Variants in MYO1E observed in about 807,000 individuals in gnomAD.
The protein encoded by MYO1E is myosin IE.
In MYO1E, 68 loss-of-function variants were observed where a neutral mutation model predicts 151.1. The ratio of observed to expected loss-of-function variants is 0.45; its 90% CI spans 0.37 to 0.55. The LOEUF (loss-of-function observed/expected upper bound fraction) is 0.55. Among genes scored for constraint, MYO1E ranks in the 20% least tolerant of loss-of-function variants. The probability of loss-of-function intolerance (pLI) is 0.00; values close to 1 mark genes in which losing one functional copy is unlikely to be tolerated. For missense variants in MYO1E, 1,363 were observed against 1,389.3 expected, an observed-to-expected ratio of 0.98 and a Z score of 0.30; for synonymous variants, 601 against 501.7, an observed-to-expected ratio of 1.20 and a Z score of -2.64.
intron 16 of MYO1E, among the ~76,000 whole-genome samples, chr15:59,199,554 C>T (rs556219575): frequency 2.0e-5 from 3 of 151,982 alleles, no homozygotes; most frequent in Admixed American, 6.6e-5. Flanking sequence ...ACGACAATAT[C>T]GAATTAAGTA....
chr15:59,148,652 A>G (rs906427721), intron 26 of MYO1E, among the ~76,000 whole-genome samples: 115 of 152,266 alleles, frequency 7.6e-4, no homozygotes, highest in African/African-American at 2.5e-3. Context: ...AAATATTGCT[A>G]TTGGACACTT....
chr15:59,174,055 T>C, intron 20 of MYO1E, 71 bp downstream of exon 20: 1 of 1,521,054 alleles, frequency 6.6e-7, no homozygotes. Flanking sequence ...AAATGGAACT[T>C]AAAACTTCAC....
rs2080762150 is a variant in MYO1E, at chr15:59,341,029, A to G, written c.3+31469T>C. On this transcript the variant is annotated intron_variant, in intron 1 of 27. Coordinates refer to ENST00000288235, the MANE Select transcript of MYO1E (RefSeq NM_004998.4). ...GAGACTCCATCTCAAAAAAAAAAAA[A>G]AAAAAGAAAAAAAAGAAAAAAAGAA... 7.4e-5 allele frequency among the ~76,000 whole-genome samples: 11 copies of G among 149,060 alleles called. No individual in the cohort carries two copies. In the South Asian group the frequency reaches 2.3e-3, roughly 31 times the overall value.
intron 26 of MYO1E, among the ~76,000 whole-genome samples, chr15:59,152,636 A>G (rs928996863): frequency 3.3e-5 from 5 of 152,178 alleles, no homozygotes; most frequent in African/African-American, 1.2e-4. Flanking sequence ...CATGCTAGAG[A>G]TTTTATGTAT....
chr15:59,354,518 T>C (rs112127803), intron 1 of MYO1E, among the ~76,000 whole-genome samples: 1 of 152,104 alleles, frequency 6.6e-6, no homozygotes, highest in Non-Finnish European at 1.5e-5. Context: ...CAGGCCTGGG[T>C]GTCCTCAGGT....
chr15:59,182,871 T>C (rs1596355485), intron 18 of MYO1E, among the ~76,000 whole-genome samples: 1 of 152,262 alleles, frequency 6.6e-6, no homozygotes, highest in Non-Finnish European at 1.5e-5. Context: ...GAAGATAATT[T>C]TTCTATGGAC....
chr15:59,290,422 A>G (rs1244014501), intron 1 of MYO1E, among the ~76,000 whole-genome samples: 2 of 152,196 alleles, frequency 1.3e-5, no homozygotes, highest in East Asian at 3.8e-4. Context: ...TGACTCTTAG[A>G]AAGATCACGG....
chr15:59,358,846 G>A (rs949236643), intron 1 of MYO1E, among the ~76,000 whole-genome samples: 5 of 152,012 alleles, frequency 3.3e-5, no homozygotes, highest in Admixed American at 2.0e-4. Flanking sequence ...GCAGGTTTAC[G>A]ACCATAATTC....
intron 18 of MYO1E, among the ~76,000 whole-genome samples, chr15:59,181,980 G>A (rs1050289538): frequency 5.9e-5 from 9 of 152,260 alleles, no homozygotes; most frequent in East Asian, 5.8e-4. Context: ...GACAGTTGGC[G>A]GTGGACTCTG....
At chr15:59,171,304 T>A (rs1212667779) in intron 22 of MYO1E, 1 of 160,508 alleles carries the variant, frequency 6.2e-6, no homozygotes, top group Non-Finnish European at 1.4e-5. Context: ...GAGGAGCCCT[T>A]CTGCCGAGAG....
At chr15:59,310,296 T>A (rs568948107) in intron 1 of MYO1E, among the ~76,000 whole-genome samples, 1 of 152,226 alleles carries the variant, frequency 6.6e-6, no homozygotes, top group Non-Finnish European at 1.5e-5. Context: ...TTGCACTGTG[T>A]TGCCTCCAAA....
chr15:59,190,254 G>A (rs1284856824), intron 17 of MYO1E, among the ~76,000 whole-genome samples: 1 of 152,224 alleles, frequency 6.6e-6, no homozygotes, highest in East Asian at 1.9e-4. Context: ...TGGAATGTCA[G>A]GATTGTGCTG....
At chr15:59,323,670 A>T (rs1464277655) in intron 1 of MYO1E, among the ~76,000 whole-genome samples, 1 of 152,062 alleles carries the variant, frequency 6.6e-6, no homozygotes, top group African/African-American at 2.4e-5. Flanking sequence ...AAGAAAAAAA[A>T]AAAATTAAGG....
intron 26 of MYO1E, among the ~76,000 whole-genome samples, chr15:59,149,933 T>C (rs1203062903): frequency 6.6e-6 from 1 of 152,214 alleles, no homozygotes; most frequent in Non-Finnish European, 1.5e-5. Context: ...TCCTGTGGAA[T>C]AAATGCAATT....
At position 59,136,907 on chromosome 15, in the gene MYO1E, A is replaced by T; in HGVS notation, c.*473T>A. 2.6e-6 allele frequency: 1 copy of T among 378,110 alleles called. No homozygotes were observed. The highest frequency in any genetic ancestry group is 1.9e-5 in the South Asian group (1 of 52,308). The allele number at this position is 378,110 out of a possible 1,614,324, so 23.4% of individuals were successfully genotyped here. A position where few individuals can be genotyped will look rare whatever the true frequency, so the allele number is the denominator to read the frequency against. On this transcript the variant is annotated 3_prime_UTR_variant, in exon 28 of 28. Transcript: ENST00000288235. ...TGCTCACGCTAAGCCCAGTCTGCAG[A>T]GGGCGGGTCCTCCCTGAAGGAAGGT...
intron 9 of MYO1E, among the ~76,000 whole-genome samples, chr15:59,219,337 A>C (rs1207056992): frequency 6.6e-6 from 1 of 152,224 alleles, no homozygotes; most frequent in Non-Finnish European, 1.5e-5. Context: ...TTATAGATGC[A>C]ATGCAAATTT....
chr15:59,332,999 G>A (rs1287758220), intron 1 of MYO1E, among the ~76,000 whole-genome samples: 1 of 152,180 alleles, frequency 6.6e-6, no homozygotes, highest in Admixed American at 6.5e-5. Flanking sequence ...GAGCTGGACA[G>A]AGATGTGCAT....
chr15:59,347,018 CT>C (rs2080797863), intron 1 of MYO1E, among the ~76,000 whole-genome samples: 5 of 152,258 alleles, frequency 3.3e-5, no homozygotes, highest in Admixed American at 3.3e-4. Context: ...GACACCATGT[CT>C]GTGGGTATAA....
chr15:59,170,164 CAAAA>C (rs1379874128), intron 22 of MYO1E, among the ~76,000 whole-genome samples: 1 of 132,152 alleles, frequency 7.6e-6, no homozygotes, highest in African/African-American at 3.3e-5. Flanking sequence ...CTGTCTAAAA[CAAAA>C]CAAAACAAAA....
Sources: gnomAD v4.1 joint callset for allele counts (sites outside exome capture counted in the v4.1 genomes callset) on GRCh38, gnomAD v4.1.1 for gene constraint, MANE v1.5 for transcripts, NCBI Gene and HGNC (gene_info 2026-07-23, HGNC 2026-07-21) for gene names.